HGD: variants seen among roughly 807,000 people sequenced by gnomAD.
HGD encodes homogentisate oxidase.
Under a neutral mutation model 60.8 loss-of-function variants are expected in HGD, and 61 were observed. That is an observed-to-expected ratio of 1.00 (90% confidence interval 0.82 to 1.24). The LOEUF (loss-of-function observed/expected upper bound fraction) is 1.24. Ranked by LOEUF, HGD falls within the 50% of genes most tolerant of loss-of-function variation. The pLI, the probability that HGD is intolerant of heterozygous loss-of-function variation, is 0.00. For missense variants in HGD, 542 were observed against 547.1 expected, an observed-to-expected ratio of 0.99 and a Z score of 0.09; for synonymous variants, 212 against 187.7, an observed-to-expected ratio of 1.13 and a Z score of -1.06.
In HGD at chr3:120,640,664, A is replaced by C. The variant is rs369538355; in HGVS notation, c.879+925T>G. On this transcript the variant is annotated intron_variant, in intron 11 of 13. Coordinates refer to ENST00000283871, the MANE Select transcript of HGD (RefSeq NM_000187.4). ...CAACTGTCATGGGACATGATCTGAA[A>C]CTATTAAAGCAAAGGTAGTGAATCA... 5.9e-5 allele frequency among the ~76,000 whole-genome samples: 9 copies of C among 152,362 alleles called. No individual in the cohort carries two copies. In the South Asian group the frequency reaches 1.7e-3, roughly 28 times the overall value.
intron 3 of HGD, among the ~76,000 whole-genome samples, chr3:120,671,880 A>G (rs965134785): frequency 3.9e-5 from 6 of 152,126 alleles, no homozygotes; most frequent in African/African-American, 1.4e-4. Context: ...AGCGAACTAA[A>G]GCAGGAACAG....
At chr3:120,650,919 C>T (rs1941323656) in intron 5 of HGD, 54 bp from the exon 6 acceptor site, 2 of 1,361,090 alleles carry the variant, frequency 1.5e-6, no homozygotes, top group South Asian at 1.2e-5. Flanking sequence ...GCCCAAGAGG[C>T]AGCCCTTCCA....
In HGD at chr3:120,638,589, C is replaced by T. The variant is rs2107498387; in HGVS notation, c.880-8G>A. 1.2e-6 allele frequency: 2 copies of T among 1,613,780 alleles called. No homozygotes were observed. The highest frequency in any genetic ancestry group is 8.5e-7 in the Non-Finnish European group (1 of 1,179,860). On this transcript the variant is annotated splice_region_variant and splice_polypyrimidine_tract_variant and intron_variant, in intron 11 of 13. Coordinates refer to ENST00000283871, the MANE Select transcript of HGD (RefSeq NM_000187.4). ...TGTGAAAATGGATGGGTCCTGTGAACACACAAGGAGAGACTGAACGCATGA... is the reference window on the plus strand; with the variant it reads ...TGTGAAAATGGATGGGTCCTGTGAATACACAAGGAGAGACTGAACGCATGA...
At chr3:120,650,991 C>T (rs767559065) in intron 5 of HGD, 126 bp from the exon 6 acceptor site, 15 of 794,328 alleles carry the variant, frequency 1.9e-5, no homozygotes, top group Middle Eastern at 3.4e-4. Context: ...ACCGGTGGGA[C>T]GTTTGGAATC....
At chr3:120,675,115 AT>A (rs1708100970) in intron 2 of HGD, 126 bp from the exon 3 acceptor site, 1 of 697,808 alleles carries the variant, frequency 1.4e-6, no homozygotes, top group African/African-American at 1.7e-5. Context: ...GCAACCCGAT[AT>A]GTTTCTTGTA....
intron 4 of HGD, among the ~76,000 whole-genome samples, chr3:120,656,712 C>T (rs535634757): frequency 6.6e-6 from 1 of 151,956 alleles, no homozygotes. Flanking sequence ...CCCCCATGCC[C>T]GGGTAGTTTT....
chr3:120,630,843 T>TACACACACACACACACACACAC (rs111540631), intron 13 of HGD, among the ~76,000 whole-genome samples: 1 of 116,700 alleles, frequency 8.6e-6, no homozygotes, highest in Non-Finnish European at 1.7e-5. Context: ...CACACACACA[T>TACACACACACACACACACACAC]ACACACACAC....
At chr3:120,647,077 G>A (rs1411660352) in intron 7 of HGD, 25 bp from the exon 8 acceptor site, 1 of 1,580,092 alleles carries the variant, frequency 6.3e-7, no homozygotes, top group Non-Finnish European at 8.7e-7. Flanking sequence ...CAGGGCAGTG[G>A]TGAGCAATTC....
chr3:120,638,724 G>A, intron 11 of HGD, 143 bp from the exon 12 acceptor site: 2 of 949,418 alleles, frequency 2.1e-6, no homozygotes, highest in Non-Finnish European at 3.2e-6. Context: ...AATTTAGATA[G>A]AGGGATACAT....
intron 4 of HGD, among the ~76,000 whole-genome samples, chr3:120,664,425 C>CTTT (rs1707850788): frequency 3.0e-5 from 3 of 100,348 alleles, no homozygotes; most frequent in Non-Finnish European, 4.3e-5. Context: ...CTTTTTTCTT[C>CTTT]CTTTTTTTTT....
chr3:120,652,051 G>C (rs1941357915), intron 5 of HGD, among the ~76,000 whole-genome samples: 1 of 152,148 alleles, frequency 6.6e-6, no homozygotes, highest in African/African-American at 2.4e-5. Flanking sequence ...TCACATTATA[G>C]TTGTTATAGA....
At chr3:120,635,585 G>T (rs1413196151) in intron 12 of HGD, among the ~76,000 whole-genome samples, 1 of 150,350 alleles carries the variant, frequency 6.7e-6, no homozygotes, top group Non-Finnish European at 1.5e-5. Context: ...TTATAATAAA[G>T]TCACATCAAA....
rs74721056 is a variant in HGD, at chr3:120,636,130, A to G, written c.1006+2325T>C. The stretch of plus-strand genomic sequence containing the variant: ...TACTAACAATACAAAAAAAAAAAAA[A>G]AAAGCCAGGTGTGGTGGTGCACACC... On this transcript the variant is annotated intron_variant, in intron 12 of 13. Coordinates refer to ENST00000283871, the MANE Select transcript of HGD (RefSeq NM_000187.4). Among the ~76,000 whole-genome samples the G allele has an allele frequency of 2.6e-5, 4 of 151,600 alleles. No individual in the cohort carries two copies. In the East Asian group the frequency reaches 7.8e-4, roughly 29 times the overall value.
chr3:120,671,829 C>T (rs1350477484), intron 3 of HGD, among the ~76,000 whole-genome samples: 1 of 152,096 alleles, frequency 6.6e-6, no homozygotes, highest in Non-Finnish European at 1.5e-5. Flanking sequence ...GAGATCATGA[C>T]CTTTGCAGGG....
At chr3:120,634,147 A>G (rs1382716407) in intron 12 of HGD, among the ~76,000 whole-genome samples, 8 of 152,168 alleles carry the variant, frequency 5.3e-5, no homozygotes, top group Admixed American at 5.2e-4. Flanking sequence ...CCTGGATGTG[A>G]ATGGAAGCTC....
At position 120,628,316 on chromosome 3, in the gene HGD, A is replaced by C. The variant is rs762250068; in HGVS notation, c.*64T>G. 15 of 1,554,500 alleles carry C rather than the reference A, an allele frequency of 9.6e-6. No individual in the cohort carries two copies. The highest frequency in any genetic ancestry group is 1.2e-5 in the Non-Finnish European group (14 of 1,126,998). ...AACCCCCTCCTCCAATACTACCAGA[A>C]AGCATGAGATTCTGAAGAAATCTTC... On this transcript the variant is annotated 3_prime_UTR_variant, in exon 14 of 14. Transcript: ENST00000283871.
At chr3:120,657,442 A>T (rs1242939844) in intron 4 of HGD, among the ~76,000 whole-genome samples, 1 of 152,210 alleles carries the variant, frequency 6.6e-6, no homozygotes, top group Non-Finnish European at 1.5e-5. Context: ...GAAATTCTTT[A>T]ATTTACTGAG....
intron 4 of HGD, among the ~76,000 whole-genome samples, chr3:120,655,794 C>T (rs1176821208): frequency 2.0e-5 from 3 of 152,166 alleles, no homozygotes; most frequent in Non-Finnish European, 2.9e-5. Context: ...TCTCTGTTCC[C>T]GTTTTCTCTG....
At chr3:120,631,748 C>T (rs972481636) in intron 13 of HGD, among the ~76,000 whole-genome samples, 6 of 152,110 alleles carry the variant, frequency 3.9e-5, no homozygotes, top group African/African-American at 7.2e-5. Context: ...ATGGTGAGGA[C>T]GACTGAAAGT....
Sources: gnomAD v4.1 joint callset for allele counts (sites outside exome capture counted in the v4.1 genomes callset) on GRCh38, gnomAD v4.1.1 for gene constraint, MANE v1.5 for transcripts, NCBI Gene and HGNC (gene_info 2026-07-23, HGNC 2026-07-21) for gene names.